CSNK1G1: variants seen among roughly 807,000 people sequenced by gnomAD.
CSNK1G1 encodes casein kinase 1 gamma 1, also known as casein kinase I isoform gamma-1.
Under a neutral mutation model 59.6 loss-of-function variants are expected in CSNK1G1, and 22 were observed. The ratio of observed to expected loss-of-function variants is 0.37; its 90% CI spans 0.26 to 0.53. The LOEUF (loss-of-function observed/expected upper bound fraction) is 0.53. Among genes scored for constraint, CSNK1G1 ranks in the 20% least tolerant of loss-of-function variants. The pLI, the probability that CSNK1G1 is intolerant of heterozygous loss-of-function variation, is 0.89. For synonymous variants in CSNK1G1, 179 were observed against 177.1 expected, an observed-to-expected ratio of 1.01 and a Z score of -0.08; for missense variants, 384 against 519.5, an observed-to-expected ratio of 0.74 and a Z score of 2.54.
chr15:64,311,171 AAGT>A (rs1381459797), intron 1 of CSNK1G1, among the ~76,000 whole-genome samples: 2 of 151,798 alleles, frequency 1.3e-5, no homozygotes, highest in Non-Finnish European at 2.9e-5. Context: ...TCAGCCTCCC[AAGT>A]AGCTGGGATT....
chr15:64,284,590 A>T (rs1166782375), intron 2 of CSNK1G1, among the ~76,000 whole-genome samples: 1 of 151,996 alleles, frequency 6.6e-6, no homozygotes, highest in Non-Finnish European at 1.5e-5. Flanking sequence ...TGAAATTTTT[A>T]ATTTTTTTAA....
At chr15:64,272,708 T>C (rs769509083) in intron 2 of CSNK1G1, among the ~76,000 whole-genome samples, 30 of 152,090 alleles carry the variant, frequency 2.0e-4, no homozygotes, top group Admixed American at 3.3e-4. Context: ...AGTCTTTCCT[T>C]TCTATATTTA....
At chr15:64,301,325 G>A (rs1483659115) in intron 1 of CSNK1G1, among the ~76,000 whole-genome samples, 2 of 149,658 alleles carry the variant, frequency 1.3e-5, no homozygotes, top group Non-Finnish European at 2.9e-5. Context: ...ATGACAGAGT[G>A]CCAAAAAGAG....
Position 64,314,084 on chromosome 15 carries a change from G to A in CSNK1G1, c.-224-13361C>T, listed in dbSNP as rs372482567. 9.9e-5 allele frequency among the ~76,000 whole-genome samples: 15 copies of A among 152,024 alleles called. No individual in the cohort carries two copies. In the South Asian group the frequency reaches 1.2e-3, roughly 13 times the overall value. Reference sequence around the variant, plus strand: ...AAAGATCTGCTAAACTAAGGATTACGGTGAAATCAAAGAGGAAAGTTTTAT... The same window carrying A: ...AAAGATCTGCTAAACTAAGGATTACAGTGAAATCAAAGAGGAAAGTTTTAT... On this transcript the variant is annotated intron_variant, in intron 1 of 11. Transcript: ENST00000303052.
chr15:64,199,204 T>C (rs1267725846), intron 10 of CSNK1G1, among the ~76,000 whole-genome samples: 3 of 145,764 alleles, frequency 2.1e-5, no homozygotes, highest in Admixed American at 7.0e-5. Context: ...TGAGCTGTGA[T>C]TGTGCCACTG....
chr15:64,219,842 C>G (rs543164781), intron 4 of CSNK1G1, among the ~76,000 whole-genome samples: 3 of 147,496 alleles, frequency 2.0e-5, no homozygotes, highest in South Asian at 4.3e-4. Flanking sequence ...GGCACGATCT[C>G]AGCTCAATGC....
At chr15:64,323,995 T>A (rs1896705585) in intron 1 of CSNK1G1, among the ~76,000 whole-genome samples, 1 of 152,204 alleles carries the variant, frequency 6.6e-6, no homozygotes. Context: ...ATCCTTCCAC[T>A]ACCTTATGGA....
At chr15:64,243,305 T>C (rs1891572619) in intron 4 of CSNK1G1, among the ~76,000 whole-genome samples, 2 of 151,606 alleles carry the variant, frequency 1.3e-5, no homozygotes, top group Non-Finnish European at 2.9e-5. Context: ...CACTGCACTC[T>C]AGCTTGGGAG....
intron 4 of CSNK1G1, among the ~76,000 whole-genome samples, chr15:64,225,844 C>A (rs1446327998): frequency 6.6e-6 from 1 of 152,208 alleles, no homozygotes; most frequent in Non-Finnish European, 1.5e-5. Flanking sequence ...CCAGGCTGAT[C>A]TTGAACTCCT....
intron 1 of CSNK1G1, among the ~76,000 whole-genome samples, chr15:64,322,951 T>A (rs927405161): frequency 7.2e-5 from 11 of 151,860 alleles, no homozygotes; most frequent in Non-Finnish European, 1.5e-4. Flanking sequence ...TTTTTTTTTT[T>A]CCTCGCTCTG....
intron 1 of CSNK1G1, among the ~76,000 whole-genome samples, chr15:64,314,640 C>A (rs543377499): frequency 7.9e-5 from 12 of 151,508 alleles, no homozygotes; most frequent in African/African-American, 2.9e-4. Flanking sequence ...ACTTTCTCAA[C>A]CCTCCAGGCT....
chr15:64,340,258 GA>G (rs770656261), intron 1 of CSNK1G1, among the ~76,000 whole-genome samples: 1 of 152,180 alleles, frequency 6.6e-6, no homozygotes, highest in Non-Finnish European at 1.5e-5. Flanking sequence ...GTAACTGTAT[GA>G]AACTAATTCT....
At chr15:64,297,933 A>G (rs539693117) in intron 2 of CSNK1G1, among the ~76,000 whole-genome samples, 2 of 152,336 alleles carry the variant, frequency 1.3e-5, no homozygotes, top group East Asian at 3.9e-4. Flanking sequence ...AAGATGCCAG[A>G]TAATTCTGAA....
intron 6 of CSNK1G1, among the ~76,000 whole-genome samples, chr15:64,209,943 T>C (rs777775692): frequency 2.0e-5 from 3 of 152,162 alleles, no homozygotes; most frequent in Admixed American, 6.5e-5. Context: ...ATTTTCAATA[T>C]TGATCAGGCC....
intron 10 of CSNK1G1, among the ~76,000 whole-genome samples, chr15:64,192,871 A>G (rs981196682): frequency 6.8e-6 from 1 of 147,396 alleles, no homozygotes; most frequent in African/African-American, 2.5e-5. Context: ...AAAAAAAAAA[A>G]AATCACCAAA....
Position 64,214,218 on chromosome 15 carries a change from T to C in CSNK1G1, c.445-94A>G. On this transcript the variant is annotated intron_variant, in intron 5 of 11. Transcript: ENST00000303052. The surrounding 1 kb of genome is among the most constrained non-coding windows in gnomAD (Gnocchi z 4.3). ...TTTAGCCAGACCAAGGTTTTAATTATTGAAATAACAGTAAAATTCATCTCC... is the reference window on the plus strand; with the variant it reads ...TTTAGCCAGACCAAGGTTTTAATTACTGAAATAACAGTAAAATTCATCTCC... 1 of 899,512 alleles carries C rather than the reference T, an allele frequency of 1.1e-6. No homozygotes were observed. Among genetic ancestry groups the C allele is most frequent in the Non-Finnish European group, 1.8e-6 (1 of 559,430 alleles). The allele number at this position is 899,512 out of a possible 1,614,324, so 55.7% of individuals were successfully genotyped here.
chr15:64,333,632 A>G (rs1039917056), intron 1 of CSNK1G1, among the ~76,000 whole-genome samples: 4 of 152,070 alleles, frequency 2.6e-5, no homozygotes, highest in African/African-American at 9.7e-5. Context: ...CGCCACTTAA[A>G]AGGTACAAAT....
intron 2 of CSNK1G1, among the ~76,000 whole-genome samples, chr15:64,262,944 T>G (rs75367445): frequency 0.02 from 3,110 of 151,750 alleles, 119 homozygotes; most frequent in African/African-American, 0.071. Flanking sequence ...CCAGGTGTGG[T>G]GGTGCATGCC....
chr15:64,337,094 G>A (rs1490371857), intron 1 of CSNK1G1, among the ~76,000 whole-genome samples: 1 of 152,056 alleles, frequency 6.6e-6, no homozygotes, highest in African/African-American at 2.4e-5. Context: ...CAGGCGCAGT[G>A]GCAGGCACCT....
Sources: gnomAD v4.1 joint callset for allele counts (sites outside exome capture counted in the v4.1 genomes callset) on GRCh38, gnomAD v4.1.1 for gene constraint, Gnocchi (gnomAD v3.1) non-coding constraint, MANE v1.5 for transcripts, NCBI Gene and HGNC (gene_info 2026-07-23, HGNC 2026-07-21) for gene names.